Variants in NEO1 observed in about 807,000 individuals in gnomAD.
NEO1 encodes neogenin 1.
In NEO1, 63 loss-of-function variants were observed where a neutral mutation model predicts 159.7. The ratio of observed to expected loss-of-function variants is 0.39; its 90% CI spans 0.32 to 0.49. The LOEUF is 0.49. Among genes scored for constraint, NEO1 ranks in the 20% least tolerant of loss-of-function variants. The pLI is 0.85. For missense variants in NEO1, 1,615 were observed against 1,831.0 expected (o/e 0.88, Z 2.15); for synonymous variants, 633 against 662.0 (o/e 0.96, Z 0.67).
intron 1 of NEO1, among the ~76,000 whole-genome samples, chr15:73,092,064 A>C (rs1224497794): frequency 6.6e-6 from 1 of 152,214 alleles, no homozygotes; most frequent in Admixed American, 6.5e-5. Flanking sequence ...GTAATCTCCA[A>C]ATCTTTTGTT....
intron 7 of NEO1, among the ~76,000 whole-genome samples, chr15:73,202,263 T>A (rs901532206): frequency 6.6e-6 from 1 of 152,130 alleles, no homozygotes. Context: ...GTGCCTGGCC[T>A]CCCTTTACTT....
intron 1 of NEO1, among the ~76,000 whole-genome samples, chr15:73,065,824 C>G (rs1417977314): frequency 2.0e-5 from 3 of 152,074 alleles, no homozygotes; most frequent in African/African-American, 4.8e-5. Context: ...ATTTAGTTCA[C>G]TTAGGCTCCC....
intron 7 of NEO1, among the ~76,000 whole-genome samples, chr15:73,216,440 A>G (rs1266558221): frequency 6.6e-6 from 1 of 152,196 alleles, no homozygotes. Flanking sequence ...TCCTTTGGGT[A>G]TATACCCAGT....
intron 7 of NEO1, among the ~76,000 whole-genome samples, chr15:73,224,858 T>TG (rs879278174): frequency 4.7e-4 from 72 of 151,820 alleles, no homozygotes; most frequent in Admixed American, 8.5e-4. Context: ...TATGATTTTT[T>TG]GGGGGGGGTG....
At chr15:73,287,820 C>A (rs2042005440) in intron 23 of NEO1, among the ~76,000 whole-genome samples, 1 of 151,174 alleles carries the variant, frequency 6.6e-6, no homozygotes, top group Admixed American at 6.6e-5. Context: ...GGCCAGGTTG[C>A]AATGAGCCGA....
intron 7 of NEO1, among the ~76,000 whole-genome samples, chr15:73,222,818 G>A (rs543316595): frequency 9.9e-5 from 15 of 152,040 alleles, no homozygotes; most frequent in African/African-American, 2.2e-4. Flanking sequence ...TGCTTCCACC[G>A]GGTTTGGGTT....
At chr15:73,145,991 T>C (rs1291738231) in intron 5 of NEO1, among the ~76,000 whole-genome samples, 1 of 152,192 alleles carries the variant, frequency 6.6e-6, no homozygotes, top group Non-Finnish European at 1.5e-5. Context: ...CATGCAGTTA[T>C]TTTGCTTGTA....
chr15:73,132,824 G>A (rs181502521), intron 4 of NEO1, among the ~76,000 whole-genome samples: 34 of 152,030 alleles, frequency 2.2e-4, no homozygotes, highest in Admixed American at 8.5e-4. Flanking sequence ...AATCAAAACC[G>A]CAGTGCAAAA....
At chr15:73,117,860 C>G (rs2071412613) in intron 2 of NEO1, among the ~76,000 whole-genome samples, 1 of 151,198 alleles carries the variant, frequency 6.6e-6, no homozygotes, top group African/African-American at 2.4e-5. Flanking sequence ...CTTTTCTTTC[C>G]TTCCTTCTCT....
At chr15:73,208,247 T>C (rs1014788399) in intron 7 of NEO1, among the ~76,000 whole-genome samples, 1 of 152,204 alleles carries the variant, frequency 6.6e-6, no homozygotes, top group Admixed American at 6.5e-5. Context: ...TTTTAAATAG[T>C]ACGTAGCAAA....
At chr15:73,108,247 G>A (rs2070788612) in intron 1 of NEO1, among the ~76,000 whole-genome samples, 1 of 152,120 alleles carries the variant, frequency 6.6e-6, no homozygotes, top group South Asian at 2.1e-4. Context: ...CAAGTAACTG[G>A]TTAGAACATT....
chr15:73,101,634 C>G (rs1445796059), intron 1 of NEO1, among the ~76,000 whole-genome samples: 1 of 152,094 alleles, frequency 6.6e-6, no homozygotes, highest in African/African-American at 2.4e-5. Context: ...CTTTGTTTAC[C>G]TCTCTCTCAA....
intron 1 of NEO1, among the ~76,000 whole-genome samples, chr15:73,065,785 TA>T (rs1259246355): frequency 2.0e-5 from 3 of 152,168 alleles, no homozygotes; most frequent in Admixed American, 1.3e-4. Flanking sequence ...TCCCTTCAAA[TA>T]TTTTTTTCTG....
intron 7 of NEO1, among the ~76,000 whole-genome samples, chr15:73,180,785 T>G (rs1383438062): frequency 6.6e-6 from 1 of 152,306 alleles, no homozygotes; most frequent in South Asian, 2.1e-4. Context: ...GCTGATGAAA[T>G]TTTTTAGTGA....
intron 7 of NEO1, among the ~76,000 whole-genome samples, chr15:73,186,545 G>A (rs1420187953): frequency 2.6e-5 from 4 of 151,938 alleles, no homozygotes; most frequent in Admixed American, 1.3e-4. Context: ...TGCTTTAAGA[G>A]ATAATTGACT....
chr15:73,160,008 T>A (rs2034056846), intron 5 of NEO1, among the ~76,000 whole-genome samples: 1 of 152,182 alleles, frequency 6.6e-6, no homozygotes, highest in Non-Finnish European at 1.5e-5. Flanking sequence ...TTGTGCACTG[T>A]CTATATCTTT....
At chr15:73,174,314 C>G (rs2035156454) in intron 5 of NEO1, among the ~76,000 whole-genome samples, 1 of 152,100 alleles carries the variant, frequency 6.6e-6, no homozygotes, top group Admixed American at 6.5e-5. Context: ...AAAGCTGGGG[C>G]ACAGGAAATC....
intron 1 of NEO1, among the ~76,000 whole-genome samples, chr15:73,077,044 A>T (rs2068802113): frequency 1.3e-5 from 2 of 152,142 alleles, no homozygotes; most frequent in African/African-American, 4.8e-5. Context: ...TTTTTAAATT[A>T]ATTAATTTAT....
chr15:73,236,798 C>G (rs995933105), intron 8 of NEO1, among the ~76,000 whole-genome samples: 1 of 152,118 alleles, frequency 6.6e-6, no homozygotes, highest in Non-Finnish European at 1.5e-5. Context: ...AGTATAAATT[C>G]TAGAGATTAA....
Sources: gnomAD v4.1 joint callset for allele counts (sites outside exome capture counted in the v4.1 genomes callset) on GRCh38, gnomAD v4.1.1 for gene constraint, MANE v1.5 for transcripts, NCBI Gene and HGNC (gene_info 2026-07-23, HGNC 2026-07-21) for gene names.